PHF20L1: variants seen among roughly 807,000 people sequenced by gnomAD.
The protein encoded by PHF20L1 is PHD finger protein 20-like protein 1.
PHF20L1 carries 44 observed loss-of-function variants against 125.5 expected under a neutral mutation model. The ratio of observed to expected loss-of-function variants is 0.35; its 90% CI spans 0.28 to 0.45. The LOEUF is 0.45. PHF20L1 is among the 20% of genes least tolerant of loss of function. The probability of loss-of-function intolerance (pLI) is 1.00; values close to 1 mark genes in which losing one functional copy is unlikely to be tolerated. For synonymous variants in PHF20L1, 380 were observed against 403.1 expected (o/e 0.94, Z 0.69); for missense variants, 1,012 against 1,217.2 (o/e 0.83, Z 2.51).
At chr8:132,781,383 A>G (rs1830406445) in intron 2 of PHF20L1, among the ~76,000 whole-genome samples, 1 of 152,074 alleles carries the variant, frequency 6.6e-6, no homozygotes, top group Non-Finnish European at 1.5e-5. Flanking sequence ...GTACCTTTTT[A>G]AGTAGTGATT....
chr8:132,800,518 C>T (rs1432103715), intron 6 of PHF20L1, among the ~76,000 whole-genome samples: 1 of 151,454 alleles, frequency 6.6e-6, no homozygotes, highest in African/African-American at 2.4e-5. Flanking sequence ...GGGGGCCTAT[C>T]TTGTATAATA....
chr8:132,829,467 C>A (rs954104576), intron 14 of PHF20L1, among the ~76,000 whole-genome samples: 6 of 152,048 alleles, frequency 3.9e-5, no homozygotes, highest in African/African-American at 1.4e-4. Context: ...CAGTACCTGG[C>A]ATTTAATAAA....
intron 2 of PHF20L1, among the ~76,000 whole-genome samples, chr8:132,790,989 CT>C (rs1484072445): frequency 2.6e-5 from 4 of 152,176 alleles, no homozygotes; most frequent in Non-Finnish European, 5.9e-5. Context: ...AGATTACAGA[CT>C]TTTGTGCCAC....
At chr8:132,815,028 T>G (rs1834797871) in intron 10 of PHF20L1, 139 bp downstream of exon 10, 1 of 601,512 alleles carries the variant, frequency 1.7e-6, no homozygotes, top group Admixed American at 3.2e-5. Flanking sequence ...TGAAACTATT[T>G]CAGGGGCAAA....
rs1206472666 is a variant in PHF20L1, at chr8:132,836,650, G to C, written c.2020G>C (p.Glu674Gln). The change falls in exon 16 of 21, where the codon GAG becomes CAG. Residue 674 changes from glutamate to glutamine, a missense_variant. By Grantham distance (29) the Glu-to-Gln change is conservative. Around this residue, in one of 7 missense-constraint regions of PHF20L1, gnomAD observed 320 missense variants for 293.8 expected, o/e 1.09. Coordinates refer to ENST00000395386, the MANE Select transcript of PHF20L1 (RefSeq NM_016018.5). ...AACCAATTTTGAGGAATCTCAGGAT[G>C]AGGATGATGCTCTTAATGAAATTGT... is the stretch of plus-strand genomic sequence containing the variant. Reference protein sequence around the residue: ...DSTNFEESQDEDDALNEIVRC... With the variant: ...DSTNFEESQDQDDALNEIVRC... 3 of 1,613,162 alleles carry C rather than the reference G, an allele frequency of 1.9e-6. No homozygotes were observed. The Admixed American group carries it at 5.0e-5, about 27-fold the overall frequency.
chr8:132,791,214 C>T (rs1051199873), intron 2 of PHF20L1, among the ~76,000 whole-genome samples: 1 of 150,210 alleles, frequency 6.7e-6, no homozygotes, highest in Non-Finnish European at 1.5e-5. Context: ...TTCTCCTAAT[C>T]TGACCCTAAG....
At chr8:132,792,964 C>CTTTTTTTTTTTT (rs370724463) in intron 2 of PHF20L1, among the ~76,000 whole-genome samples, 1 of 129,644 alleles carries the variant, frequency 7.7e-6, no homozygotes, top group Non-Finnish European at 1.6e-5. Flanking sequence ...CCCCTTTTTT[C>CTTTTTTTTTTTT]TTTTTTTTTT....
In PHF20L1 at chr8:132,825,280, A is replaced by C. The variant is rs1411500225; in HGVS notation, c.1653A>C (p.Lys551Asn). 2 of 1,561,216 alleles carry C rather than the reference A, an allele frequency of 1.3e-6. No individual in the cohort carries two copies. The highest frequency in any genetic ancestry group is 8.8e-7 in the Non-Finnish European group (1 of 1,136,704). Residue 551 changes from lysine (K) to asparagine (N), a missense_variant, in exon 14 of 21, where the codon AAA (lysine) becomes AAC (asparagine). Physicochemically the swap from Lys to Asn is moderately conservative, Grantham distance 94. Transcript: ENST00000395386. ...ATCTTTTAGGTAAGAGAAAAGAAAA[A>C]GATAAGGAAAGAAGAGAGAAGAGAG... Reference protein sequence around the residue: ...SSTAFGKRKEKDKERREKRDK... With the variant: ...SSTAFGKRKENDKERREKRDK...
intron 8 of PHF20L1, chr8:132,809,582 T>C (rs1354985497): frequency 6.6e-6 from 1 of 152,204 alleles, no homozygotes; most frequent in Non-Finnish European, 1.5e-5. Flanking sequence ...ATACTGCCTT[T>C]GAGGGGGCAC....
intron 11 of PHF20L1, 65 bp from the exon 12 acceptor site, chr8:132,817,274 A>T: frequency 7.5e-7 from 1 of 1,330,462 alleles, no homozygotes. Flanking sequence ...ACTTTAATTC[A>T]CAGTGATAGT....
chr8:132,799,123 G>A lies in PHF20L1; in HGVS notation c.458G>A (p.Cys153Tyr). 2 of 1,610,250 alleles carry A rather than the reference G, an allele frequency of 1.2e-6. No individual in the cohort carries two copies. Among genetic ancestry groups the A allele is most frequent in the South Asian group, 1.1e-5 (1 of 90,710 alleles). The part of the protein sequence containing the change: ...QVKSQHPLSW[C>Y]CPIDPAGSCN... ...AAATCCCAGCATCCACTAAGCTGGTGTTGTCCTATCGACCCAGCTGGATCG... is the reference window on the plus strand; with the variant it reads ...AAATCCCAGCATCCACTAAGCTGGTATTGTCCTATCGACCCAGCTGGATCG... Residue 153 changes from cysteine to tyrosine, a missense_variant, in exon 6 of 21, where the codon TGT (cysteine) becomes TAT (tyrosine). Transcript: ENST00000395386.
At chr8:132,788,368 G>A (rs1831292148) in intron 2 of PHF20L1, among the ~76,000 whole-genome samples, 1 of 152,064 alleles carries the variant, frequency 6.6e-6, no homozygotes, top group Non-Finnish European at 1.5e-5. Flanking sequence ...AACTTATTGA[G>A]GCAGTTTATA....
chr8:132,810,824 T>C, intron 8 of PHF20L1: 1 of 464,268 alleles, frequency 2.2e-6, no homozygotes, highest in Non-Finnish European at 4.0e-6. Context: ...TTGAGTAATA[T>C]TAAACAACAG....
At position 132,845,762 on chromosome 8, in the gene PHF20L1, A is replaced by G. The variant is rs1230888083; in HGVS notation, c.2912-19A>G. 1.9e-6 allele frequency: 3 copies of G among 1,570,086 alleles called. No individual in the cohort carries two copies. Among genetic ancestry groups the G allele is most frequent in the South Asian group, 1.1e-5 (1 of 89,952 alleles). The stretch of plus-strand genomic sequence containing the variant: ...TTCCAGTTGCAGTTTAAATTTGTTT[A>G]TCTTCTTCTCTCTTTTAGTTCTGGA... On this transcript the variant is annotated intron_variant, in intron 20 of 20. Transcript: ENST00000395386.
At chr8:132,778,613 A>G (rs987482715) in intron 2 of PHF20L1, among the ~76,000 whole-genome samples, 4 of 152,284 alleles carry the variant, frequency 2.6e-5, no homozygotes, top group Middle Eastern at 3.4e-3. Flanking sequence ...GTATAAAACT[A>G]CTATCTGGAA....
intron 1 of PHF20L1, 61 bp from the exon 2 acceptor site, chr8:132,777,731 C>G (rs998648636): frequency 1.3e-6 from 1 of 767,376 alleles, no homozygotes; most frequent in African/African-American, 1.7e-5. Flanking sequence ...GACCTGTTCC[C>G]TTATACTCTA....
chr8:132,801,081 G>C (rs1312290788), intron 6 of PHF20L1, among the ~76,000 whole-genome samples: 1 of 151,502 alleles, frequency 6.6e-6, no homozygotes, highest in Non-Finnish European at 1.5e-5. Flanking sequence ...TGTTCCTTCT[G>C]GTTTTCTACC....
intron 4 of PHF20L1, among the ~76,000 whole-genome samples, chr8:132,797,642 G>A (rs1451085857): frequency 1.3e-5 from 2 of 151,970 alleles, no homozygotes; most frequent in Admixed American, 1.3e-4. Flanking sequence ...TTACATCCTT[G>A]CTATTCGCCT....
At chr8:132,776,747 T>A (rs1586824663) in intron 1 of PHF20L1, among the ~76,000 whole-genome samples, 2 of 152,374 alleles carry the variant, frequency 1.3e-5, no homozygotes, top group East Asian at 3.9e-4. Flanking sequence ...GTGTGTGTGT[T>A]TCTTTTTTTC....
Sources: gnomAD v4.1 joint callset for allele counts (sites outside exome capture counted in the v4.1 genomes callset) on GRCh38, gnomAD v4.1.1 for gene constraint, gnomAD v4.1.1 regional missense constraint, MANE v1.5 for transcripts, NCBI Gene and HGNC (gene_info 2026-07-23, HGNC 2026-07-21) for gene names.